Variants in RBMS3 observed in about 807,000 individuals in gnomAD.
RBMS3 encodes the protein RNA binding motif single stranded interacting protein 3, also known as RNA-binding motif, single-stranded-interacting protein 3.
Under a neutral mutation model 66.8 loss-of-function variants are expected in RBMS3, and 27 were observed. The observed-to-expected ratio is 0.40, with a 90% CI of 0.30 to 0.56. The LOEUF (loss-of-function observed/expected upper bound fraction) is 0.56, where lower values mean the gene tolerates loss of function less well. Ranked by LOEUF, RBMS3 falls within the 20% of genes least tolerant of loss-of-function variation. The pLI is 0.40. For missense variants in RBMS3, 513 were observed against 549.5 expected (o/e 0.93, Z 0.66); for synonymous variants, 188 against 183.0 (o/e 1.03, Z -0.22).
At chr3:29,778,933 T>C (rs898984696) in intron 6 of RBMS3, among the ~76,000 whole-genome samples, 29 of 151,776 alleles carry the variant, frequency 1.9e-4, no homozygotes, top group Non-Finnish European at 2.8e-4. Flanking sequence ...AGAAATTGAG[T>C]GTCACTTCCC....
intron 4 of RBMS3, among the ~76,000 whole-genome samples, chr3:29,684,612 T>C (rs1343527355): frequency 2.0e-5 from 3 of 152,200 alleles, no homozygotes; most frequent in East Asian, 1.9e-4. Flanking sequence ...GTTTGATAGA[T>C]AGACATAAAA....
At chr3:29,729,094 A>G (rs1044248998) in intron 4 of RBMS3, among the ~76,000 whole-genome samples, 4 of 151,052 alleles carry the variant, frequency 2.6e-5, no homozygotes, top group African/African-American at 9.7e-5. Flanking sequence ...TCAGCTTGTC[A>G]TTTACATTAG....
rs150201178 is a variant in RBMS3, at chr3:29,363,991, A to T, written c.76-70752A>T. On this transcript the variant is annotated intron_variant, in intron 1 of 14. Transcript: ENST00000383767. ...AACTTAGAAAAACTTTTGTGTTACC[A>T]CTTGGGAATATTCATCAGATTTTTA... 9.5e-3 allele frequency among the ~76,000 whole-genome samples: 1,439 copies of T among 152,154 alleles called. 5 individuals are homozygous for T. Among genetic ancestry groups the T allele is most frequent in the Non-Finnish European group, 0.014 (974 of 68,010 alleles).
intron 4 of RBMS3, among the ~76,000 whole-genome samples, chr3:29,631,994 G>A (rs1199057943): frequency 6.6e-6 from 1 of 151,392 alleles, no homozygotes; most frequent in Non-Finnish European, 1.5e-5. Context: ...CCAGTGTGCA[G>A]AAAGTGTGTT....
At chr3:29,910,644 T>A (rs2060491440) in intron 10 of RBMS3, among the ~76,000 whole-genome samples, 1 of 152,022 alleles carries the variant, frequency 6.6e-6, no homozygotes, top group African/African-American at 2.4e-5. Flanking sequence ...CAATTTAGGA[T>A]CATGGTTAAT....
intron 3 of RBMS3, among the ~76,000 whole-genome samples, chr3:29,490,383 A>C (rs1256132118): frequency 1.3e-5 from 2 of 152,132 alleles, no homozygotes; most frequent in Non-Finnish European, 2.9e-5. Flanking sequence ...TTCACCATGA[A>C]AGTTTTTAAA....
chr3:29,828,262 G>C (rs897184612), intron 6 of RBMS3, among the ~76,000 whole-genome samples: 1 of 152,086 alleles, frequency 6.6e-6, no homozygotes, highest in Non-Finnish European at 1.5e-5. Context: ...TCTCCGTCTG[G>C]TGGCTCTTTC....
intron 7 of RBMS3, among the ~76,000 whole-genome samples, 171 bp downstream of exon 7, chr3:29,869,135 AG>A (rs2059429585): frequency 6.6e-6 from 1 of 152,146 alleles, no homozygotes; most frequent in Non-Finnish European, 1.5e-5. Flanking sequence ...GAAATTATTG[AG>A]GAGTAGAGGA....
intron 4 of RBMS3, among the ~76,000 whole-genome samples, chr3:29,638,861 A>G (rs1314984174): frequency 1.3e-5 from 2 of 151,860 alleles, no homozygotes; most frequent in Non-Finnish European, 2.9e-5. Flanking sequence ...TGTTGATCAG[A>G]CATTGCTTCG....
chr3:29,953,588 G>T (rs1035038208), intron 12 of RBMS3, among the ~76,000 whole-genome samples: 5 of 151,866 alleles, frequency 3.3e-5, no homozygotes, highest in African/African-American at 1.2e-4. Flanking sequence ...ATGAGAGAGG[G>T]TAAATAGTGT....
chr3:29,700,928 G>A (rs1345965448), intron 4 of RBMS3, among the ~76,000 whole-genome samples: 1 of 152,136 alleles, frequency 6.6e-6, no homozygotes, highest in Non-Finnish European at 1.5e-5. Context: ...TTTTAGAAAG[G>A]TGAAGAAGTT....
intron 8 of RBMS3, among the ~76,000 whole-genome samples, chr3:29,892,840 T>TATTC: frequency 7.3e-6 from 1 of 137,708 alleles, no homozygotes; most frequent in African/African-American, 3.1e-5. Context: ...TGTATGTATG[T>TATTC]ATGTATTTAT....
chr3:29,879,220 C>T (rs192801104), intron 7 of RBMS3, among the ~76,000 whole-genome samples: 49 of 152,080 alleles, frequency 3.2e-4, no homozygotes, highest in African/African-American at 1.1e-3. Flanking sequence ...AATTTTGTAT[C>T]GTGACTTGTT....
At chr3:29,705,879 CTG>C (rs2052865857) in intron 4 of RBMS3, among the ~76,000 whole-genome samples, 1 of 152,194 alleles carries the variant, frequency 6.6e-6, no homozygotes, top group South Asian at 2.1e-4. Flanking sequence ...ACGTAACAAA[CTG>C]TGGTAATATC....
intron 10 of RBMS3, among the ~76,000 whole-genome samples, chr3:29,902,048 AC>A (rs1387897174): frequency 6.6e-6 from 1 of 151,760 alleles, no homozygotes; most frequent in Non-Finnish European, 1.5e-5. Context: ...AAATCAAAAA[AC>A]CTGAATCTGA....
chr3:29,371,362 A>G (rs765703147), intron 1 of RBMS3, among the ~76,000 whole-genome samples: 5 of 152,210 alleles, frequency 3.3e-5, no homozygotes, highest in Admixed American at 6.5e-5. Flanking sequence ...GGAAATTCCT[A>G]GTGTTGAAAA....
intron 1 of RBMS3, among the ~76,000 whole-genome samples, chr3:29,380,407 A>T (rs2038707479): frequency 6.6e-6 from 1 of 152,192 alleles, no homozygotes; most frequent in Non-Finnish European, 1.5e-5. Context: ...GATGTATACC[A>T]GTTGCAAAGC....
intron 4 of RBMS3, among the ~76,000 whole-genome samples, chr3:29,674,518 C>T (rs2051149079): frequency 6.6e-6 from 1 of 151,904 alleles, no homozygotes; most frequent in African/African-American, 2.4e-5. Flanking sequence ...TCATCTCAGC[C>T]CAAAATCTCC....
chr3:29,985,539 T>A (rs1467195456), intron 12 of RBMS3, among the ~76,000 whole-genome samples: 1 of 152,118 alleles, frequency 6.6e-6, no homozygotes, highest in South Asian at 2.1e-4. Flanking sequence ...AGGCATAGTA[T>A]CTGGGCCAGA....
Sources: allele counts gnomAD v4.1 joint callset (sites outside exome capture counted in the v4.1 genomes callset), GRCh38; gene constraint gnomAD v4.1.1; transcripts MANE v1.5; gene names NCBI Gene and HGNC (gene_info 2026-07-23, HGNC 2026-07-21).